CSTA: variants seen among roughly 807,000 people sequenced by gnomAD.
CSTA encodes cystatin A, also known as cystatin-A.
Under a neutral mutation model 9.2 loss-of-function variants are expected in CSTA, and 9 were observed. The observed-to-expected ratio is 0.97, with a 90% CI of 0.59 to 1.70. The LOEUF (loss-of-function observed/expected upper bound fraction) is 1.70. Among genes scored for constraint, CSTA ranks in the 40% most tolerant of loss-of-function variants. CSTA has a pLI of 0.00. For synonymous variants in CSTA, 36 were observed against 40.6 expected (o/e 0.89, Z 0.43); for missense variants, 118 against 113.1 (o/e 1.04, Z -0.20).
chr3:122,341,665 A>C lies in CSTA; in HGVS notation c.*98A>C. On this transcript the variant is annotated 3_prime_UTR_variant, in exon 3 of 3. Coordinates refer to ENST00000264474, the MANE Select transcript of CSTA (RefSeq NM_005213.4). ...ATCAATAAAGAAGCATTCTTTTCCA[A>C]AGAAATTATTTCTTCAATTATTTCT... is the stretch of plus-strand genomic sequence containing the variant. The C allele has an allele frequency of 1.4e-6, 2 of 1,424,742 alleles. No homozygotes were observed. Among genetic ancestry groups the C allele is most frequent in the South Asian group, 2.4e-5 (2 of 82,430 alleles). The allele number at this position is 1,424,742 out of a possible 1,614,324, so 88.3% of individuals were successfully genotyped here.
intron 1 of CSTA, among the ~76,000 whole-genome samples, chr3:122,331,246 C>T (rs1576891580): frequency 6.6e-6 from 1 of 152,010 alleles, no homozygotes; most frequent in South Asian, 2.1e-4. Context: ...CATCTGCATA[C>T]CATCCTGGGC....
chr3:122,330,275 G>T (rs2075196625), intron 1 of CSTA, among the ~76,000 whole-genome samples: 1 of 152,220 alleles, frequency 6.6e-6, no homozygotes, highest in African/African-American at 2.4e-5. Context: ...TAAAGTGGAA[G>T]TATTCTCAGA....
intron 1 of CSTA, among the ~76,000 whole-genome samples, chr3:122,330,782 G>A (rs2075199729): frequency 6.6e-6 from 1 of 152,144 alleles, no homozygotes; most frequent in Non-Finnish European, 1.5e-5. Flanking sequence ...AATTGCTATG[G>A]GGGTAGCAGG....
intron 1 of CSTA, among the ~76,000 whole-genome samples, chr3:122,335,984 C>G (rs1485194826): frequency 6.6e-6 from 1 of 151,774 alleles, no homozygotes; most frequent in African/African-American, 2.4e-5. Flanking sequence ...CACACACACA[C>G]ACACACACAC....
At chr3:122,332,698 C>A (rs747070429) in intron 1 of CSTA, among the ~76,000 whole-genome samples, 2 of 152,152 alleles carry the variant, frequency 1.3e-5, no homozygotes, top group Non-Finnish European at 2.9e-5. Context: ...AGCCTCCTCC[C>A]CGGCTGGAGA....
At position 122,341,749 on chromosome 3, in the gene CSTA, A is replaced by C; in HGVS notation, c.*182A>C. Reference sequence around the variant, plus strand: ...TTCTCAAAATCAGTGTTATTGCTTTAGAGTATAAACTCCATATAAATTGAT... The same window carrying C: ...TTCTCAAAATCAGTGTTATTGCTTTCGAGTATAAACTCCATATAAATTGAT... On this transcript the variant is annotated 3_prime_UTR_variant, in exon 3 of 3. Coordinates refer to ENST00000264474, the MANE Select transcript of CSTA (RefSeq NM_005213.4). The C allele has an allele frequency of 1.4e-6, 1 of 731,700 alleles. No homozygotes were observed. The highest frequency in any genetic ancestry group is 2.2e-6 in the Non-Finnish European group (1 of 459,440). 45.3% of individuals were successfully genotyped at this position (731,700 alleles called of 1,614,324 possible).
intron 1 of CSTA, among the ~76,000 whole-genome samples, chr3:122,328,819 T>C (rs574964278): frequency 1.2e-3 from 178 of 148,246 alleles, no homozygotes; most frequent in Non-Finnish European, 2.0e-3. Flanking sequence ...CGGGCGCCTG[T>C]AGTCCCAGCT....
rs536856364 is a variant in CSTA at position 122,337,708 on chromosome 3, T to G, written c.168+60T>G. ...TGTATTTCTCATTTTATGTAAAATATTCCCTGATTTCCCTACCACATAATT... is the reference window on the plus strand; with the variant it reads ...TGTATTTCTCATTTTATGTAAAATAGTCCCTGATTTCCCTACCACATAATT... On this transcript the variant is annotated intron_variant, in intron 2 of 2. Transcript: ENST00000264474. 2.9e-6 allele frequency: 3 copies of G among 1,037,176 alleles called. No individual in the cohort carries two copies. In the South Asian group the frequency reaches 3.8e-5, roughly 13 times the overall value. The allele number at this position is 1,037,176 out of a possible 1,614,324, so 64.2% of individuals were successfully genotyped here. A position where few individuals can be genotyped will look rare whatever the true frequency, so the allele number is the denominator to read the frequency against.
chr3:122,331,428 C>T (rs1452796178), intron 1 of CSTA, among the ~76,000 whole-genome samples: 1 of 152,168 alleles, frequency 6.6e-6, no homozygotes, highest in Non-Finnish European at 1.5e-5. Context: ...TTCATGAGAA[C>T]ATGCCCAGGC....
rs2075243228 is a variant in CSTA, at chr3:122,337,640, T to C, written c.160T>C (p.Tyr54His). 1 of 1,599,694 alleles carries C rather than the reference T, an allele frequency of 6.3e-7. No individual in the cohort carries two copies. Among genetic ancestry groups the C allele is most frequent in the East Asian group, 2.2e-5 (1 of 44,792 alleles). ...KTQVVAGTNY[Y>H]IKVRAGDNKY... ...TCAAGTTGTTGCTGGAACAAATTAC[T>C]ACATTAAGGTTAGAGTTCAGCACCT... is the stretch of plus-strand genomic sequence containing the variant. The change falls in exon 2 of 3, where the codon TAC becomes CAC. Residue 54 changes from tyrosine to histidine, a missense_variant. Transcript: ENST00000264474.
chr3:122,326,406 G>A (rs576165206), intron 1 of CSTA, among the ~76,000 whole-genome samples: 11 of 152,290 alleles, frequency 7.2e-5, no homozygotes, highest in Middle Eastern at 3.4e-3. Flanking sequence ...TTTATGAAAG[G>A]AAAACATGTA....
intron 2 of CSTA, 64 bp downstream of exon 2, chr3:122,337,712 C>A: frequency 9.5e-7 from 1 of 1,047,212 alleles, no homozygotes; most frequent in Non-Finnish European, 1.5e-6. Context: ...AAAATATTCC[C>A]TGATTTCCCT....
intron 1 of CSTA, among the ~76,000 whole-genome samples, chr3:122,331,526 G>C (rs2075204803): frequency 6.6e-6 from 1 of 152,006 alleles, no homozygotes; most frequent in Non-Finnish European, 1.5e-5. Context: ...TTGACCCTGG[G>C]AGCTCCTGAC....
chr3:122,341,233 A>C (rs938156651), intron 2 of CSTA, among the ~76,000 whole-genome samples: 1 of 152,044 alleles, frequency 6.6e-6, no homozygotes, highest in Non-Finnish European at 1.5e-5. Context: ...GAGCCACGGC[A>C]CCCAGCCTAG....
chr3:122,326,676 C>G (rs1346655677), intron 1 of CSTA, among the ~76,000 whole-genome samples: 1 of 152,116 alleles, frequency 6.6e-6, no homozygotes, highest in Non-Finnish European at 1.5e-5. Flanking sequence ...TATCTTGGAG[C>G]TTTTTTCCTG....
intron 1 of CSTA, among the ~76,000 whole-genome samples, chr3:122,333,540 G>GAAGAAGGAAAGAAAGAAAGAAAGA (rs2075216467): frequency 8.9e-6 from 1 of 112,078 alleles, no homozygotes; most frequent in Non-Finnish European, 1.8e-5. Flanking sequence ...AGAAAAGAAA[G>GAAGAAGGAAAGAAAGAAAGAAAGA]AAGAAAGAAA....
chr3:122,341,408 T>C (rs1441089288), intron 2 of CSTA, 31 bp from the exon 3 acceptor site: 1 of 1,612,520 alleles, frequency 6.2e-7, no homozygotes, highest in Non-Finnish European at 8.5e-7. Flanking sequence ...ATGAATCTCC[T>C]TTTGCTTTCT....
chr3:122,332,344 A>T (rs1038223273), intron 1 of CSTA, among the ~76,000 whole-genome samples: 2 of 152,142 alleles, frequency 1.3e-5, no homozygotes, highest in Admixed American at 1.3e-4. Context: ...CCTTCAAAAC[A>T]TACTTAGACA....
chr3:122,329,671 T>C (rs2075192757), intron 1 of CSTA, among the ~76,000 whole-genome samples: 2 of 152,232 alleles, frequency 1.3e-5, no homozygotes, highest in Admixed American at 1.3e-4. Flanking sequence ...ATGCTAATTA[T>C]TATAGAAGCT....
Sources: gnomAD v4.1 joint callset for allele counts (sites outside exome capture counted in the v4.1 genomes callset) on GRCh38, gnomAD v4.1.1 for gene constraint, MANE v1.5 for transcripts, NCBI Gene and HGNC (gene_info 2026-07-23, HGNC 2026-07-21) for gene names.